ZKSCAN7: variants seen among roughly 807,000 people sequenced by gnomAD.
ZKSCAN7 encodes the protein zinc finger protein with KRAB and SCAN domains 7.
Under a neutral mutation model 65.3 loss-of-function variants are expected in ZKSCAN7, and 38 were observed. The observed-to-expected ratio is 0.58, with a 90% CI of 0.45 to 0.76. The LOEUF is 0.76. Ranked by LOEUF, ZKSCAN7 falls within the 30% of genes least tolerant of loss-of-function variation. The pLI, the probability that ZKSCAN7 is intolerant of heterozygous loss-of-function variation, is 0.00. For missense variants in ZKSCAN7, 815 were observed against 913.3 expected (o/e 0.89, Z 1.39); for synonymous variants, 321 against 321.0 (o/e 1.00, Z 0.00).
At chr3:44,575,325 T>C (rs1699902075), downstream of ZKSCAN7, among the ~76,000 whole-genome samples, 1 of 152,180 alleles carries the variant, frequency 6.6e-6, no homozygotes, top group Non-Finnish European at 1.5e-5. Flanking sequence ...ACCACTTTGT[T>C]AGGTGTGTAA....
At chr3:44,568,260 C>T in intron 4 of ZKSCAN7, 47 bp from the exon 5 acceptor site, 1 of 1,597,066 alleles carries the variant, frequency 6.3e-7, no homozygotes, top group East Asian at 2.2e-5. Flanking sequence ...ATGACTCTGC[C>T]CTTCAGGCTG....
At chr3:44,579,923 T>A (rs1396798215) in intron 5 of ZKSCAN7, 1 of 1,605,536 alleles carries the variant, frequency 6.2e-7, no homozygotes, top group African/African-American at 1.3e-5. Context: ...GTCCAGTGAC[T>A]TGGCTCTTCG....
intron 2 of ZKSCAN7, 59 bp from the exon 3 acceptor site, chr3:44,565,428 T>G: frequency 1.3e-6 from 2 of 1,483,800 alleles, no homozygotes; most frequent in Non-Finnish European, 1.8e-6. Context: ...CTTAGAGGTT[T>G]TGGGTTCAGT....
chr3:44,557,976 CTAATT>C (rs1377821880), intron 2 of ZKSCAN7, among the ~76,000 whole-genome samples: 2 of 152,202 alleles, frequency 1.3e-5, no homozygotes, highest in Admixed American at 1.3e-4. Flanking sequence ...ATCTTTAATT[CTAATT>C]TAAGTTTTCC....
In ZKSCAN7 at chr3:44,572,055, T is replaced by TA; in HGVS notation, c.*681dup. The TA allele has an allele frequency of 1.0e-6, 1 of 985,608 alleles. No homozygotes were observed. 61.1% of individuals were successfully genotyped at this position (985,608 alleles called of 1,614,324 possible). On this transcript the variant is annotated 3_prime_UTR_variant, in exon 6 of 6. Transcript: ENST00000426540. ...AATTTTGCGTGTCTGTATACTTTTA[T>TA]ACCAACTTATTGTAGGCTCTTTGAG...
At chr3:44,579,860 C>T (rs1042130432) in intron 5 of ZKSCAN7, 5 of 1,610,520 alleles carry the variant, frequency 3.1e-6, no homozygotes, top group Non-Finnish European at 4.2e-6. Flanking sequence ...AGTCAGCCAG[C>T]CTTTCTTGAA....
chr3:44,557,641 T>A, intron 2 of ZKSCAN7, 171 bp downstream of exon 2: 1 of 836,614 alleles, frequency 1.2e-6, no homozygotes, highest in Non-Finnish European at 1.8e-6. Context: ...TAAACACAAG[T>A]GCACATCCCA....
intron 2 of ZKSCAN7, among the ~76,000 whole-genome samples, chr3:44,564,861 C>T (rs1400555069): frequency 2.0e-5 from 3 of 151,982 alleles, no homozygotes; most frequent in Non-Finnish European, 4.4e-5. Flanking sequence ...AGTGCAGAGG[C>T]GTGATCTCGG....
At chr3:44,557,723 A>G (rs966131873) in intron 2 of ZKSCAN7, 43 of 542,558 alleles carry the variant, frequency 7.9e-5, no homozygotes, top group Non-Finnish European at 1.1e-4. Context: ...TTCGCATGGT[A>G]CTCCTGGCAG....
intron 1 of ZKSCAN7, among the ~76,000 whole-genome samples, chr3:44,556,232 A>C (rs1046460902): frequency 2.0e-5 from 3 of 152,214 alleles, no homozygotes; most frequent in Non-Finnish European, 2.9e-5. Context: ...TGAGTTGTGC[A>C]TAAACCAGTT....
downstream of ZKSCAN7, among the ~76,000 whole-genome samples, chr3:44,574,056 G>GT (rs1446431545): frequency 6.6e-6 from 1 of 152,096 alleles, no homozygotes; most frequent in East Asian, 1.9e-4. Context: ...AGTTTTAATG[G>GT]TTTTTTAGTT....
intron 5 of ZKSCAN7, among the ~76,000 whole-genome samples, chr3:44,577,191 C>A (rs906323239): frequency 5.3e-5 from 8 of 152,124 alleles, no homozygotes; most frequent in Non-Finnish European, 1.2e-4. Context: ...TAGACTTGAA[C>A]CCCTGGCCTC....
chr3:44,580,292 G>T (rs1481933678), intron 5 of ZKSCAN7: 1 of 1,613,764 alleles, frequency 6.2e-7, no homozygotes, highest in Admixed American at 1.7e-5. Context: ...TACTCATGGC[G>T]CTCTCCTCTT....
chr3:44,569,866 C>G (rs143957748), intron 5 of ZKSCAN7, 56 bp from the exon 6 acceptor site: 39 of 1,475,726 alleles, frequency 2.6e-5, no homozygotes, highest in Non-Finnish European at 3.3e-5. Flanking sequence ...TAATGATTCT[C>G]TTTCTTAAAC....
chr3:44,576,383 C>T (rs999990355), downstream of ZKSCAN7, among the ~76,000 whole-genome samples: 2 of 152,074 alleles, frequency 1.3e-5, no homozygotes, highest in Non-Finnish European at 2.9e-5. Flanking sequence ...TATGTGGATG[C>T]GGAACCCAAG....
At chr3:44,564,054 AAGG>A (rs1208386327) in intron 2 of ZKSCAN7, among the ~76,000 whole-genome samples, 3 of 152,184 alleles carry the variant, frequency 2.0e-5, no homozygotes, top group Non-Finnish European at 2.9e-5. Flanking sequence ...TGGTTTATTG[AAGG>A]AGAAGTTATT....
chr3:44,560,506 C>CTTTTTT (rs33986362), intron 2 of ZKSCAN7, among the ~76,000 whole-genome samples: 6 of 108,400 alleles, frequency 5.5e-5, no homozygotes, highest in African/African-American at 1.9e-4. Flanking sequence ...TTTCCTGTAT[C>CTTTTTT]TTTTTTTTTT....
intron 2 of ZKSCAN7, among the ~76,000 whole-genome samples, chr3:44,563,865 G>A (rs943257629): frequency 1.3e-5 from 2 of 152,224 alleles, no homozygotes; most frequent in African/African-American, 4.8e-5. Context: ...CTGTATTGAA[G>A]AGCTGTGACT....
intron 5 of ZKSCAN7, among the ~76,000 whole-genome samples, chr3:44,578,504 C>T (rs927045895): frequency 5.3e-5 from 8 of 152,192 alleles, no homozygotes; most frequent in Non-Finnish European, 1.2e-4. Flanking sequence ...GGCCTGCTGC[C>T]CGGCCTCCAG....
Sources: gnomAD v4.1 joint callset for allele counts (sites outside exome capture counted in the v4.1 genomes callset) on GRCh38, gnomAD v4.1.1 for gene constraint, MANE v1.5 for transcripts, NCBI Gene and HGNC (gene_info 2026-07-23, HGNC 2026-07-21) for gene names.